NRG1: variants seen among roughly 807,000 people sequenced by gnomAD.
NRG1 encodes the protein pro-neuregulin-1, membrane-bound isoform.
In NRG1, 18 loss-of-function variants were observed where a neutral mutation model predicts 63.8. The observed-to-expected ratio is 0.28, with a 90% CI of 0.19 to 0.42. NRG1 has a LOEUF of 0.42. NRG1 is among the 10% of genes least tolerant of loss of function. NRG1 has a pLI of 1.00. For synonymous variants in NRG1, 302 were observed against 301.3 expected (o/e 1.00, Z -0.02); for missense variants, 762 against 814.7 (o/e 0.94, Z 0.79).
chr8:31,764,705 A>G (rs1424865908), intron 1 of NRG1, among the ~76,000 whole-genome samples: 1 of 152,158 alleles, frequency 6.6e-6, no homozygotes, highest in Non-Finnish European at 1.5e-5. Flanking sequence ...GAATCCATGA[A>G]CACAATATGT....
At chr8:32,417,202 C>T (rs1020259035) in intron 1 of NRG1, among the ~76,000 whole-genome samples, 2 of 152,094 alleles carry the variant, frequency 1.3e-5, no homozygotes. Context: ...GGTGTGCCTT[C>T]TACTCAAGAT....
intron 1 of NRG1, among the ~76,000 whole-genome samples, chr8:31,813,516 C>CTTTTT (rs377718067): frequency 5.9e-4 from 60 of 101,194 alleles, no homozygotes; most frequent in African/African-American, 7.0e-4. Context: ...CTTTTCTTTT[C>CTTTTT]TTTTTTTTTT....
intron 1 of NRG1, among the ~76,000 whole-genome samples, chr8:32,164,109 CTTT>C (rs1426534399): frequency 6.6e-6 from 1 of 152,096 alleles, no homozygotes; most frequent in African/African-American, 2.4e-5. Flanking sequence ...TTTCATCCTT[CTTT>C]ATGTTCTGTT....
intron 1 of NRG1, among the ~76,000 whole-genome samples, chr8:31,673,731 A>C (rs565470111): frequency 9.2e-5 from 14 of 152,306 alleles, no homozygotes; most frequent in African/African-American, 3.1e-4. Context: ...AATAAGTGGC[A>C]CATTACTCTA....
intron 1 of NRG1, among the ~76,000 whole-genome samples, chr8:32,420,553 T>TC (rs200153723): frequency 1.3e-5 from 2 of 151,702 alleles, no homozygotes; most frequent in East Asian, 1.9e-4. Flanking sequence ...TTTTTTTTTT[T>TC]CCTACTAAAC....
At chr8:32,027,895 C>T (rs1178446535) in intron 1 of NRG1, among the ~76,000 whole-genome samples, 3 of 152,102 alleles carry the variant, frequency 2.0e-5, no homozygotes, top group African/African-American at 7.2e-5. Flanking sequence ...CTATTTCATT[C>T]CGGGTAGGAG....
At chr8:31,831,098 CTCTT>C (rs1333347906) in intron 1 of NRG1, among the ~76,000 whole-genome samples, 1 of 151,258 alleles carries the variant, frequency 6.6e-6, no homozygotes, top group Non-Finnish European at 1.5e-5. Context: ...GCTGCTCCTC[CTCTT>C]TCTTCTTTTT....
intron 1 of NRG1, among the ~76,000 whole-genome samples, chr8:31,888,199 A>G (rs761912236): frequency 6.6e-6 from 1 of 151,966 alleles, no homozygotes; most frequent in Non-Finnish European, 1.5e-5. Flanking sequence ...TAACTTGATA[A>G]TTGTCTTATT....
intron 1 of NRG1, among the ~76,000 whole-genome samples, chr8:32,398,905 A>T (rs1052185873): frequency 6.6e-6 from 1 of 152,214 alleles, no homozygotes; most frequent in East Asian, 1.9e-4. Flanking sequence ...TTTATACAGT[A>T]TGTGATTTTG....
chr8:32,678,774 A>G (rs1807847974), intron 5 of NRG1, among the ~76,000 whole-genome samples: 1 of 152,220 alleles, frequency 6.6e-6, no homozygotes, highest in Admixed American at 6.5e-5. Flanking sequence ...TGTGAAAGAC[A>G]GATTATCACA....
intron 5 of NRG1, among the ~76,000 whole-genome samples, chr8:32,619,922 C>T (rs1217403867): frequency 6.6e-6 from 1 of 151,944 alleles, no homozygotes; most frequent in Non-Finnish European, 1.5e-5. Flanking sequence ...AAATATAAAC[C>T]AGTCGTGGCA....
intron 5 of NRG1, among the ~76,000 whole-genome samples, chr8:32,718,850 CTGAT>C (rs1298779990): frequency 6.6e-6 from 1 of 152,176 alleles, no homozygotes; most frequent in Non-Finnish European, 1.5e-5. Context: ...ACTGACCTAA[CTGAT>C]TGATATTTTC....
At chr8:32,559,508 A>G (rs79780287) in intron 1 of NRG1, among the ~76,000 whole-genome samples, 3,228 of 152,228 alleles carry the variant, frequency 0.021, 130 homozygotes, top group African/African-American at 0.073. Flanking sequence ...ATACATATGC[A>G]TGGTTCTAAG....
chr8:32,637,174 T>TTTTA (rs1410652758), intron 5 of NRG1, among the ~76,000 whole-genome samples: 10 of 152,238 alleles, frequency 6.6e-5, no homozygotes, highest in African/African-American at 2.4e-4. Flanking sequence ...ACTACCAAGA[T>TTTTA]TTTACAGTTA....
chr8:32,148,938 A>G (rs1424689691), intron 1 of NRG1, among the ~76,000 whole-genome samples: 1 of 152,174 alleles, frequency 6.6e-6, no homozygotes, highest in African/African-American at 2.4e-5. Context: ...GATCACCTCT[A>G]TTATTTTACA....
At chr8:32,540,639 GAT>G (rs1158200946) in intron 1 of NRG1, among the ~76,000 whole-genome samples, 1 of 152,076 alleles carries the variant, frequency 6.6e-6, no homozygotes, top group Admixed American at 6.6e-5. Flanking sequence ...GGGACAAACA[GAT>G]TATTCACAAA....
chr8:31,823,121 T>A (rs1049684748), intron 1 of NRG1, among the ~76,000 whole-genome samples: 1 of 142,334 alleles, frequency 7.0e-6, no homozygotes, highest in East Asian at 2.1e-4. Context: ...CTTGTTCTTT[T>A]TTTTTTTTTT....
At chr8:32,472,479 T>C (rs1421691492) in intron 1 of NRG1, among the ~76,000 whole-genome samples, 1 of 152,234 alleles carries the variant, frequency 6.6e-6, no homozygotes, top group Non-Finnish European at 1.5e-5. Flanking sequence ...CCTTGGCCTT[T>C]ATTCTTTATT....
At chr8:32,139,132 C>G (rs577204737) in intron 1 of NRG1, 3 of 152,318 alleles carry the variant, frequency 2.0e-5, no homozygotes, top group African/African-American at 7.2e-5. Context: ...CATGCAGAGT[C>G]AAGTTTTCTA....
Sources: allele counts gnomAD v4.1 joint callset (sites outside exome capture counted in the v4.1 genomes callset), GRCh38; gene constraint gnomAD v4.1.1; transcripts MANE v1.5; gene names NCBI Gene and HGNC (gene_info 2026-07-23, HGNC 2026-07-21).